The following UBE4B variants were observed in gnomAD, a reference collection of about 807,000 sequenced individuals.
UBE4B encodes the protein ubiquitination factor E4B.
UBE4B carries 27 observed loss-of-function variants against 148.1 expected under a neutral mutation model. That is an observed-to-expected ratio of 0.18 (90% CI 0.13 to 0.25). The LOEUF is 0.25. Ranked by LOEUF, UBE4B falls within the 10% of genes least tolerant of loss-of-function variation. The pLI, the probability that UBE4B is intolerant of heterozygous loss-of-function variation, is 1.00. For missense variants in UBE4B, 1,170 were observed against 1,662.4 expected (o/e 0.70, Z 5.15); for synonymous variants, 596 against 619.3 (o/e 0.96, Z 0.56).
At chr1:10,069,422 C>T (rs921327927) in intron 1 of UBE4B, among the ~76,000 whole-genome samples, 7 of 152,154 alleles carry the variant, frequency 4.6e-5, no homozygotes, top group Non-Finnish European at 8.8e-5. Context: ...CTAAGCAATA[C>T]ACAAATAAAT....
intron 23 of UBE4B, chr1:10,163,226 T>G (rs893497301): frequency 1.3e-5 from 2 of 152,118 alleles, no homozygotes; most frequent in Non-Finnish European, 2.9e-5. Context: ...CCACCACGCT[T>G]GGCTAATTAA....
At chr1:10,153,103 C>T (rs1162628477) in intron 21 of UBE4B, among the ~76,000 whole-genome samples, 1 of 152,042 alleles carries the variant, frequency 6.6e-6, no homozygotes, top group Non-Finnish European at 1.5e-5. Flanking sequence ...GTTTCTCCTT[C>T]AGTTTTCCAG....
rs1337848089 is a variant in UBE4B at position 10,178,745 on chromosome 1, G to A, written c.3627G>A (p.Glu1209=). 6.2e-7 allele frequency: 1 copy of A among 1,614,058 alleles called. No individual in the cohort carries two copies. Among genetic ancestry groups the A allele is most frequent in the South Asian group, 1.1e-5 (1 of 91,058 alleles). ...IAIEKFKLLA[E]KVEEIVAKNA... ...TAGAAAAATTTAAGCTGCTCGCCGAGAAAGTGGAGGAGATAGTGGCCAAGA... is the reference window on the plus strand; with the variant it reads ...TAGAAAAATTTAAGCTGCTCGCCGAAAAAGTGGAGGAGATAGTGGCCAAGA... Residue 1209 remains glutamate (E), a synonymous_variant, in exon 26 of 28, where the codon GAG becomes GAA. Coordinates refer to ENST00000343090, the MANE Select transcript of UBE4B (RefSeq NM_001105562.3).
intron 14 of UBE4B, among the ~76,000 whole-genome samples, chr1:10,131,761 A>G (rs572871529): frequency 1.3e-5 from 2 of 151,996 alleles, no homozygotes; most frequent in African/African-American, 4.8e-5. Context: ...GACCAGCCTG[A>G]CCAACATGGT....
chr1:10,150,374 C>T (rs1418211141), intron 20 of UBE4B, among the ~76,000 whole-genome samples: 3 of 152,088 alleles, frequency 2.0e-5, no homozygotes, highest in African/African-American at 7.2e-5. Context: ...ATACAAAAGA[C>T]ACCTATTTGA....
chr1:10,129,059 A>G (rs1014055456), intron 11 of UBE4B: 2 of 211,808 alleles, frequency 9.4e-6, no homozygotes, highest in Admixed American at 5.5e-5. Context: ...AAGTGGAAAA[A>G]CTTTTTTGTA....
rs777211373 is a variant in UBE4B, at chr1:10,072,117, G to C, written c.114G>C (p.Pro38=). Residue 38 remains proline, a synonymous_variant, in exon 2 of 28, where the codon CCG becomes CCC. Coordinates refer to ENST00000343090, the MANE Select transcript of UBE4B (RefSeq NM_001105562.3). ...PLTSPQRENP[P]GPPIAASAPG... is the part of the protein sequence containing the mutation. ...CCTCTCCCCAGAGGGAGAACCCTCC[G>C]GGGCCTCCCATAGCGGCATCAGCCC... 20 of 1,613,338 alleles carry C rather than the reference G, an allele frequency of 1.2e-5. No individual in the cohort carries two copies. The highest frequency in any genetic ancestry group is 1.6e-5 in the Non-Finnish European group (19 of 1,179,794).
At chr1:10,069,466 C>A (rs897787758) in intron 1 of UBE4B, among the ~76,000 whole-genome samples, 1 of 152,066 alleles carries the variant, frequency 6.6e-6, no homozygotes, top group African/African-American at 2.4e-5. Context: ...ATCAGAGCCA[C>A]GGAGAAAAAA....
intron 17 of UBE4B, among the ~76,000 whole-genome samples, chr1:10,141,939 G>A (rs926917277): frequency 2.0e-5 from 3 of 152,260 alleles, no homozygotes; most frequent in South Asian, 2.1e-4. Flanking sequence ...CTTCTGTACT[G>A]TAATTTGTAG....
chr1:10,090,489 C>T (rs1183009037), intron 2 of UBE4B, among the ~76,000 whole-genome samples: 1 of 152,154 alleles, frequency 6.6e-6, no homozygotes, highest in African/African-American at 2.4e-5. Context: ...TTTTTAGACT[C>T]TGTAGACCTA....
At chr1:10,057,748 G>A (rs1052002643) in intron 1 of UBE4B, among the ~76,000 whole-genome samples, 1 of 150,454 alleles carries the variant, frequency 6.6e-6, no homozygotes, top group Non-Finnish European at 1.5e-5. Flanking sequence ...AAAAAAAAAA[G>A]AAAGAAAAAA....
At chr1:10,071,198 C>T (rs566397194) in intron 1 of UBE4B, among the ~76,000 whole-genome samples, 4 of 152,322 alleles carry the variant, frequency 2.6e-5, no homozygotes, top group Middle Eastern at 3.4e-3. Context: ...AGCCACCACA[C>T]CTGGCCAATT....
intron 1 of UBE4B, among the ~76,000 whole-genome samples, chr1:10,037,200 T>C (rs1041846943): frequency 6.6e-6 from 1 of 152,168 alleles, no homozygotes; most frequent in African/African-American, 2.4e-5. Context: ...GCTAATTTTG[T>C]ATTTTTAGTA....
At chr1:10,089,070 G>A (rs1357709298) in intron 2 of UBE4B, among the ~76,000 whole-genome samples, 8 of 151,986 alleles carry the variant, frequency 5.3e-5, no homozygotes, top group African/African-American at 9.7e-5. Context: ...GCAGTGGCGC[G>A]ATCTCAGCTC....
At chr1:10,091,377 G>A (rs954304963) in intron 2 of UBE4B, among the ~76,000 whole-genome samples, 3 of 151,956 alleles carry the variant, frequency 2.0e-5, no homozygotes, top group Non-Finnish European at 2.9e-5. Flanking sequence ...GTTTTTAGTC[G>A]CAATATTTAA....
intron 25 of UBE4B, among the ~76,000 whole-genome samples, chr1:10,171,741 T>G (rs1646342249): frequency 1.3e-5 from 2 of 152,058 alleles, no homozygotes; most frequent in South Asian, 4.1e-4. Flanking sequence ...ATTACCTCAG[T>G]GTGGTGGTGC....
intron 11 of UBE4B, 150 bp from the exon 12 acceptor site, chr1:10,129,239 AAGT>A (rs1645551641): frequency 3.9e-6 from 2 of 518,918 alleles, no homozygotes; most frequent in Middle Eastern, 3.4e-4. Context: ...TAATCAGAAA[AAGT>A]AGTGAAGCTG....
intron 23 of UBE4B, among the ~76,000 whole-genome samples, chr1:10,164,347 CAAAAAAGAAAAA>C (rs1396006278): frequency 6.7e-6 from 1 of 148,738 alleles, no homozygotes; most frequent in East Asian, 2.0e-4. Context: ...GACTCCGTCT[CAAAAAAGAAAAA>C]AAAAAAGAAA....
At chr1:10,074,731 G>C (rs1053987852) in intron 2 of UBE4B, among the ~76,000 whole-genome samples, 2 of 152,132 alleles carry the variant, frequency 1.3e-5, no homozygotes, top group Non-Finnish European at 2.9e-5. Flanking sequence ...TTCACTCTTT[G>C]CCTGGTTCCT....
Sources: gnomAD v4.1 joint callset for allele counts (sites outside exome capture counted in the v4.1 genomes callset) on GRCh38, gnomAD v4.1.1 for gene constraint, MANE v1.5 for transcripts, NCBI Gene and HGNC (gene_info 2026-07-23, HGNC 2026-07-21) for gene names.